The following REEP1 variants were observed in gnomAD, a reference collection of about 807,000 sequenced individuals.
REEP1 encodes receptor accessory protein 1.
In REEP1, 22 loss-of-function variants were observed where a neutral mutation model predicts 40.3. That is an observed-to-expected ratio of 0.55 (90% confidence interval 0.39 to 0.78). The LOEUF (loss-of-function observed/expected upper bound fraction) is 0.78. Ranked by LOEUF, REEP1 falls within the 30% of genes least tolerant of loss-of-function variation. The pLI is 0.00. For missense variants in REEP1, 280 were observed against 361.1 expected (o/e 0.78, Z 1.82); for synonymous variants, 116 against 139.2 (o/e 0.83, Z 1.17).
chr2:86,327,814 G>T (rs531297037), intron 1 of REEP1, among the ~76,000 whole-genome samples: 7 of 152,156 alleles, frequency 4.6e-5, no homozygotes, highest in South Asian at 2.1e-4. Flanking sequence ...TGATCTGCCC[G>T]CCTCGGCCTC....
At chr2:86,257,974 C>A (rs1212111798) in intron 3 of REEP1, among the ~76,000 whole-genome samples, 2 of 152,134 alleles carry the variant, frequency 1.3e-5, no homozygotes, top group Non-Finnish European at 2.9e-5. Flanking sequence ...CGGCTCAGGC[C>A]CCCATGAATG....
intron 1 of REEP1, among the ~76,000 whole-genome samples, chr2:86,323,085 C>T (rs992130628): frequency 6.6e-6 from 1 of 152,226 alleles, no homozygotes; most frequent in Admixed American, 6.5e-5. Flanking sequence ...GTGGTCCCAG[C>T]TACTTGGGAG....
chr2:86,273,749 C>T (rs1208454989), intron 2 of REEP1, among the ~76,000 whole-genome samples: 1 of 152,162 alleles, frequency 6.6e-6, no homozygotes, highest in African/African-American at 2.4e-5. Flanking sequence ...TAGGACATAC[C>T]CGAAGTTTGG....
intron 2 of REEP1, among the ~76,000 whole-genome samples, chr2:86,265,505 C>CA (rs1010464231): frequency 1.3e-4 from 19 of 148,534 alleles, no homozygotes; most frequent in South Asian, 2.1e-4. Context: ...CACAAGAAGG[C>CA]AAAAAAAAAT....
At chr2:86,258,210 G>A (rs925971261) in intron 3 of REEP1, among the ~76,000 whole-genome samples, 1 of 152,162 alleles carries the variant, frequency 6.6e-6, no homozygotes, top group African/African-American at 2.4e-5. Context: ...CCTTGAGTCT[G>A]TCAGAGGGGT....
chr2:86,276,627 G>A (rs892002726), intron 2 of REEP1, among the ~76,000 whole-genome samples: 8 of 152,216 alleles, frequency 5.3e-5, no homozygotes, highest in Admixed American at 5.2e-4. Flanking sequence ...TGAGATTGGT[G>A]TGCAGTCCTG....
At chr2:86,269,757 G>T (rs1249488331) in intron 2 of REEP1, among the ~76,000 whole-genome samples, 3 of 151,936 alleles carry the variant, frequency 2.0e-5, no homozygotes, top group Non-Finnish European at 2.9e-5. Flanking sequence ...CTTCCGCTCT[G>T]CACAGGTAAC....
intron 1 of REEP1, among the ~76,000 whole-genome samples, chr2:86,316,355 A>G (rs1346928838): frequency 6.6e-6 from 1 of 151,882 alleles, no homozygotes; most frequent in African/African-American, 2.4e-5. Context: ...CCTAGCCAAC[A>G]TGATGAAACC....
intron 3 of REEP1, among the ~76,000 whole-genome samples, chr2:86,257,636 CTT>C (rs58647410): frequency 6.6e-4 from 88 of 133,722 alleles, no homozygotes; most frequent in Middle Eastern, 7.8e-3. Context: ...CCTCACTCAT[CTT>C]TTTTTTTTTT....
At chr2:86,335,185 G>A (rs1210022160) in intron 1 of REEP1, among the ~76,000 whole-genome samples, 1 of 152,144 alleles carries the variant, frequency 6.6e-6, no homozygotes, top group African/African-American at 2.4e-5. Context: ...TTATCTCTGT[G>A]TGGTGGAAAT....
intron 1 of REEP1, among the ~76,000 whole-genome samples, chr2:86,330,999 A>G (rs575887621): frequency 2.4e-4 from 36 of 152,226 alleles, no homozygotes; most frequent in Non-Finnish European, 4.0e-4. Context: ...CGGACAGTTC[A>G]TGGCATCAAA....
At chr2:86,254,408 A>G (rs1190194113) in intron 4 of REEP1, among the ~76,000 whole-genome samples, 1 of 152,244 alleles carries the variant, frequency 6.6e-6, no homozygotes, top group Admixed American at 6.5e-5. Flanking sequence ...AAAAGGAAGG[A>G]AATTCACTTT....
intron 1 of REEP1, chr2:86,297,649 G>A (rs1679049887): frequency 1.0e-5 from 10 of 952,818 alleles, no homozygotes; most frequent in Non-Finnish European, 1.1e-5. Flanking sequence ...GGGGGTTGGA[G>A]GGAGGAAGAG....
chr2:86,241,800 G>T (rs954647806), intron 5 of REEP1, among the ~76,000 whole-genome samples: 3 of 152,214 alleles, frequency 2.0e-5, no homozygotes, highest in Non-Finnish European at 4.4e-5. Context: ...GTCTTGGCAG[G>T]TGGCAGGTGC....
chr2:86,324,046 G>A (rs1171494343), intron 1 of REEP1, among the ~76,000 whole-genome samples: 2 of 152,082 alleles, frequency 1.3e-5, no homozygotes. Context: ...GAAATTAAAT[G>A]TGAACAGAAA....
intron 1 of REEP1, chr2:86,297,747 C>T (rs1213531319): frequency 1.0e-6 from 1 of 984,876 alleles, no homozygotes; most frequent in East Asian, 1.1e-4. Flanking sequence ...AACCTACCTC[C>T]TCATTCACTG....
intron 8 of REEP1, among the ~76,000 whole-genome samples, chr2:86,218,634 C>A (rs1363370198): frequency 6.6e-6 from 1 of 152,208 alleles, no homozygotes; most frequent in Non-Finnish European, 1.5e-5. Flanking sequence ...AACCCTTGGG[C>A]CTTAGAATTC....
chr2:86,243,518 G>A (rs987743559), intron 5 of REEP1, among the ~76,000 whole-genome samples: 1 of 152,162 alleles, frequency 6.6e-6, no homozygotes, highest in Non-Finnish European at 1.5e-5. Flanking sequence ...TGATGTGGGT[G>A]TTTCATTCAT....
intron 5 of REEP1, among the ~76,000 whole-genome samples, chr2:86,250,365 G>A (rs149727844): frequency 1.6e-3 from 247 of 152,266 alleles, no homozygotes; most frequent in African/African-American, 5.6e-3. Flanking sequence ...GCTGAGACAG[G>A]GTTTCCGTAG....
Sources: gnomAD v4.1 joint callset for allele counts (sites outside exome capture counted in the v4.1 genomes callset) on GRCh38, gnomAD v4.1.1 for gene constraint, MANE v1.5 for transcripts, NCBI Gene and HGNC (gene_info 2026-07-23, HGNC 2026-07-21) for gene names.